IFNG: variants seen among roughly 807,000 people sequenced by gnomAD.
The protein encoded by IFNG is IFN-gamma.
In IFNG, 8 loss-of-function variants were observed where a neutral mutation model predicts 14.4. The observed-to-expected ratio is 0.56, with a 90% CI of 0.33 to 1.00. The LOEUF (loss-of-function observed/expected upper bound fraction) is 1.00, where lower values mean the gene tolerates loss of function less well. Ranked by LOEUF, IFNG falls within the 50% of genes least tolerant of loss-of-function variation. IFNG has a pLI of 0.03. For synonymous variants in IFNG, 73 were observed against 65.4 expected (o/e 1.12, Z -0.56); for missense variants, 132 against 194.9 (o/e 0.68, Z 1.92).
At chr12:68,158,806 A>G (rs1231995494) in intron 1 of IFNG, among the ~76,000 whole-genome samples, 2 of 152,166 alleles carry the variant, frequency 1.3e-5, no homozygotes, top group Non-Finnish European at 2.9e-5. Flanking sequence ...TATGACAGCT[A>G]TAATTATAAC....
Position 68,157,993 on chromosome 12 carries a change from T to C in IFNG, c.286A>G (p.Ile96Val). ...DQSIQKSVETIKEDMNVKFFN... is the reference protein window; with the variant it reads ...DQSIQKSVETVKEDMNVKFFN... ...AACTTGACATTCATGTCTTCCTTGA[T>C]GGTCTCCACACTCTTTTGGATGCTC... Residue 96 changes from isoleucine to valine, a missense_variant, in exon 3 of 4, where the codon ATC (isoleucine) becomes GTC (valine). Ile to Val is a conservative substitution (Grantham distance 29). Coordinates refer to ENST00000229135, the MANE Select transcript of IFNG (RefSeq NM_000619.3). 2 of 1,611,076 alleles carry C rather than the reference T, an allele frequency of 1.2e-6. No homozygotes were observed. Among genetic ancestry groups the C allele is most frequent in the Non-Finnish European group, 1.7e-6 (2 of 1,178,020 alleles).
intron 3 of IFNG, 78 bp from the exon 4 acceptor site, chr12:68,155,565 G>A: frequency 7.4e-7 from 1 of 1,344,816 alleles, no homozygotes; most frequent in Non-Finnish European, 1.0e-6. Context: ...ATGATGGTCA[G>A]TGAAAATAAA....
intron 1 of IFNG, among the ~76,000 whole-genome samples, chr12:68,159,198 A>T (rs1195752717): frequency 6.6e-6 from 1 of 152,168 alleles, no homozygotes; most frequent in Non-Finnish European, 1.5e-5. Flanking sequence ...ATACTCCTTG[A>T]CTATCACAAC....
chr12:68,158,374 C>T, intron 1 of IFNG, 115 bp from the exon 2 acceptor site: 1 of 697,924 alleles, frequency 1.4e-6, no homozygotes, highest in Non-Finnish European at 2.4e-6. Flanking sequence ...TCCTTTTCAA[C>T]TCTTCTGCTT....
Position 68,158,194 on chromosome 12 carries a change from T to C in IFNG, c.180A>G (p.Lys60=), listed in dbSNP as rs1385784147. Residue 60 remains lysine, a synonymous_variant, in exon 2 of 4, where the codon AAA becomes AAG. Coordinates refer to ENST00000229135, the MANE Select transcript of IFNG (RefSeq NM_000619.3). The stretch of plus-strand genomic sequence containing the variant: ...CAAATGGGAATATTCAGCTTACCTC[T>C]TTCCAATTCTTCAAAATGCCTAAGA... ...TLFLGILKNW[K]EESDRKIMQS... The C allele has an allele frequency of 6.2e-7, 1 of 1,609,536 alleles. No homozygotes were observed.
intron 1 of IFNG, among the ~76,000 whole-genome samples, chr12:68,158,540 G>A (rs1882637546): frequency 6.6e-6 from 1 of 152,038 alleles, no homozygotes; most frequent in Non-Finnish European, 1.5e-5. Flanking sequence ...AAAAACTATA[G>A]TAAGCTAAAG....
At chr12:68,155,623 A>G (rs1882589679) in intron 3 of IFNG, 136 bp from the exon 4 acceptor site, 1 of 640,414 alleles carries the variant, frequency 1.6e-6, no homozygotes, top group South Asian at 3.9e-5. Context: ...TACAATATTT[A>G]CTTCTTCAGC....
chr12:68,157,817 A>G (rs1882623185), intron 3 of IFNG, 96 bp downstream of exon 3: 3 of 891,352 alleles, frequency 3.4e-6, no homozygotes, highest in Non-Finnish European at 5.2e-6. Context: ...TCATAGCTTT[A>G]GCAACTGTTA....
chr12:68,156,494 A>T (rs1882603467), intron 3 of IFNG, among the ~76,000 whole-genome samples: 1 of 152,188 alleles, frequency 6.6e-6, no homozygotes, highest in South Asian at 2.1e-4. Context: ...ACAGCTAAAG[A>T]CTAATTGTCA....
rs1056401327 is a variant in IFNG, at chr12:68,157,913, C to T, written c.366G>A (p.Ser122=). The change falls in exon 3 of 4, where the codon TCG becomes TCA. Residue 122 remains serine (S), a splice_region_variant and synonymous_variant. Coordinates refer to ENST00000229135, the MANE Select transcript of IFNG (RefSeq NM_000619.3). The part of the protein sequence containing the change: ...RDDFEKLTNY[S]VTDLNVQRKA... ...AAAGAAAGAATTTAAATAGCCTCAC[C>T]GAATAATTAGTCAGCTTTTCGAAGT... The T allele has an allele frequency of 5.7e-6, 9 of 1,586,570 alleles. No individual in the cohort carries two copies. Among genetic ancestry groups the T allele is most frequent in the African/African-American group, 2.7e-5 (2 of 73,866 alleles).
rs768591154 is a variant in IFNG at position 68,157,991 on chromosome 12, G to T, written c.288C>A (p.Ile96=). ...AAAACTTGACATTCATGTCTTCCTTGATGGTCTCCACACTCTTTTGGATGC... is the reference window on the plus strand; with the variant it reads ...AAAACTTGACATTCATGTCTTCCTTTATGGTCTCCACACTCTTTTGGATGC... ...DQSIQKSVET[I]KEDMNVKFFN... is the part of the protein sequence containing the mutation. Residue 96 remains isoleucine, a synonymous_variant, in exon 3 of 4, where the codon ATC becomes ATA. Transcript: ENST00000229135. 3 of 1,609,980 alleles carry T rather than the reference G, an allele frequency of 1.9e-6. No homozygotes were observed. The South Asian group carries it at 3.3e-5, about 18-fold the overall frequency.
rs1882585082 is a variant in IFNG at position 68,155,380 on chromosome 12, CA to C, written c.473del (p.Leu158ArgfsTer18). 6.2e-7 allele frequency: 1 copy of C among 1,609,966 alleles called. No individual in the cohort carries two copies. On this transcript the variant is annotated frameshift_variant, in exon 4 of 4. Coordinates refer to ENST00000229135, the MANE Select transcript of IFNG (RefSeq NM_000619.3). LOFTEE classifies it high-confidence loss of function. ...ACTGGGATGCTCTTCGACCTCGAAA[CA>C]GCATCTGACTCCTTTTTCGCTTCCC... ...KTGKRKRSQM[L>X]FRGRRASQ
chr12:68,155,515 A>C (rs1882587691), intron 3 of IFNG, 28 bp from the exon 4 acceptor site: 2 of 1,575,262 alleles, frequency 1.3e-6, no homozygotes, highest in Non-Finnish European at 1.7e-6. Context: ...AGCAAAATTA[A>C]TTTCAGGCAT....
chr12:68,157,045 T>C (rs1882611881), intron 3 of IFNG, among the ~76,000 whole-genome samples: 1 of 152,162 alleles, frequency 6.6e-6, no homozygotes, highest in Non-Finnish European at 1.5e-5. Flanking sequence ...TTGAAAAACA[T>C]GATTTGTCTT....
At chr12:68,158,712 C>T (rs971968614) in intron 1 of IFNG, among the ~76,000 whole-genome samples, 3 of 109,632 alleles carry the variant, frequency 2.7e-5, no homozygotes, top group Admixed American at 1.1e-4. Flanking sequence ...CAAACATGTG[C>T]GAGTGTGTGT....
intron 3 of IFNG, among the ~76,000 whole-genome samples, chr12:68,156,526 T>C (rs988925895): frequency 6.6e-6 from 1 of 152,110 alleles, no homozygotes; most frequent in African/African-American, 2.4e-5. Context: ...ATGCATAAAA[T>C]AGCTTAGCAA....
At position 68,158,024 on chromosome 12, in the gene IFNG, A is replaced by T; in HGVS notation, c.255T>A (p.Asp85Glu). The T allele has an allele frequency of 6.2e-7, 1 of 1,609,850 alleles. No individual in the cohort carries two copies. Among genetic ancestry groups the T allele is most frequent in the Non-Finnish European group, 8.5e-7 (1 of 1,177,358 alleles). ...CCACACTCTTTTGGATGCTCTGGTC[A>T]TCTTTAAAGTTTTTAAAAAGTTTGA... ...FYFKLFKNFK[D>E]DQSIQKSVET... Residue 85 changes from aspartate (D) to glutamate (E), a missense_variant, in exon 3 of 4, where the codon GAT (aspartate) becomes GAA (glutamate). Transcript: ENST00000229135.
At position 68,155,197 on chromosome 12, in the gene IFNG, A is replaced by T; in HGVS notation, c.*156T>A. On this transcript the variant is annotated 3_prime_UTR_variant, in exon 4 of 4. Coordinates refer to ENST00000229135, the MANE Select transcript of IFNG (RefSeq NM_000619.3). ...AGGATATAGGAATTATAAATAATAC[A>T]TATATTAATAGATATTCATTTTCAT... is the stretch of plus-strand genomic sequence containing the variant. The T allele has an allele frequency of 2.2e-6, 1 of 461,732 alleles. No individual in the cohort carries two copies. Among genetic ancestry groups the T allele is most frequent in the South Asian group, 4.4e-5 (1 of 22,840 alleles). The allele number at this position is 461,732 out of a possible 1,614,324, so 28.6% of individuals were successfully genotyped here.
intron 1 of IFNG, among the ~76,000 whole-genome samples, chr12:68,159,052 T>A (rs1287694346): frequency 6.6e-6 from 1 of 152,214 alleles, no homozygotes; most frequent in Non-Finnish European, 1.5e-5. Flanking sequence ...ACCTATCAGT[T>A]ATTTTTTTAA....
Sources: gnomAD v4.1 joint callset for allele counts (sites outside exome capture counted in the v4.1 genomes callset) on GRCh38, gnomAD v4.1.1 for gene constraint, MANE v1.5 for transcripts, NCBI Gene and HGNC (gene_info 2026-07-23, HGNC 2026-07-21) for gene names.